FBXO10: variants seen among roughly 807,000 people sequenced by gnomAD.
The protein encoded by FBXO10 is F-box protein 10.
Under a neutral mutation model 80.7 loss-of-function variants are expected in FBXO10, and 39 were observed. The observed-to-expected ratio is 0.48, with a 90% CI of 0.37 to 0.63. FBXO10 has a LOEUF of 0.63. Among genes scored for constraint, FBXO10 ranks in the 30% least tolerant of loss-of-function variants. The pLI is 0.00. For synonymous variants in FBXO10, 449 were observed against 489.6 expected (o/e 0.92, Z 1.09); for missense variants, 1,025 against 1,269.0 (o/e 0.81, Z 2.92).
In FBXO10 at chr9:37,516,063, G is replaced by A. The variant is rs1023725588; in HGVS notation, c.2537C>T (p.Ser846Leu). 3.7e-6 allele frequency: 6 copies of A among 1,612,614 alleles called. No homozygotes were observed. Among genetic ancestry groups the A allele is most frequent in the East Asian group, 2.2e-5 (1 of 44,872 alleles). ...DTKVIKNRIH[S>L]FRAYGIAVRG... The stretch of plus-strand genomic sequence containing the variant: ...CACGGCGATGCCGTAGGCCCGGAAC[G>A]AGTGGATCCGGTTCTTTATTACCTG... Residue 846 changes from serine to leucine, a missense_variant, in exon 10 of 11, where the codon TCG becomes TTG. By Grantham distance (145) the Ser-to-Leu change is moderately radical (BLOSUM62 -2). Transcript: ENST00000432825.
At chr9:37,542,012 A>G (rs919340634) in intron 1 of FBXO10, among the ~76,000 whole-genome samples, 10 of 152,062 alleles carry the variant, frequency 6.6e-5, no homozygotes, top group Admixed American at 5.9e-4. Context: ...TATTTTTAGT[A>G]GAGACCAGGT....
At chr9:37,523,917 G>A (rs906306859) in intron 6 of FBXO10, among the ~76,000 whole-genome samples, 1 of 152,082 alleles carries the variant, frequency 6.6e-6, no homozygotes, top group Non-Finnish European at 1.5e-5. Context: ...GTGAAATTCC[G>A]TCTCAAAAAA....
intron 1 of FBXO10, among the ~76,000 whole-genome samples, chr9:37,553,890 CG>C (rs1822271246): frequency 8.2e-6 from 1 of 121,382 alleles, no homozygotes. Flanking sequence ...CACTCCAGCC[CG>C]GGCAAAAAGA....
In FBXO10 at chr9:37,529,243, A is replaced by G. The variant is rs1232225411; in HGVS notation, c.1587T>C (p.His529=). Residue 529 remains histidine, a synonymous_variant, in exon 5 of 11, where the codon CAT becomes CAC. Coordinates refer to ENST00000432825, the MANE Select transcript of FBXO10 (RefSeq NM_012166.3). ...NPLILCNQIH[H]GLRSGIVVLG... is the part of the protein sequence containing the mutation. ...GGACGACAATGCCAGAGCGAAGGCC[A>G]TGGTGGATCTGGTTACACTGCAAGT... The G allele has an allele frequency of 8.7e-6, 14 of 1,610,134 alleles. No homozygotes were observed. The highest frequency in any genetic ancestry group is 1.1e-5 in the South Asian group (1 of 90,162).
chr9:37,512,548 C>T lies in FBXO10; in HGVS notation c.2870G>A (p.Ter957=). The change falls in exon 11 of 11, where the codon TGA becomes TAA. Residue 957 remains the stop codon, a stop_retained_variant. Transcript: ENST00000432825. The part of the protein sequence containing the change: ...SNRSVFCTIL[*] ...TGGCCCTGAAGCAGGTCTGTGTCCT[C>T]ACAGGATGGTGCAGAAGACACTGCG... 1.9e-6 allele frequency: 3 copies of T among 1,613,096 alleles called. No individual in the cohort carries two copies. The highest frequency in any genetic ancestry group is 2.5e-6 in the Non-Finnish European group (3 of 1,179,294).
chr9:37,571,714 CATATATATATAT>C lies in FBXO10; in HGVS notation c.-7+4485_-7+4496del, dbSNP rs71494672. The stretch of plus-strand genomic sequence containing the variant: ...CCATTTAAGAGGGTGAAAAGAGAGC[CATATATATATAT>C]ATATATATATATATATATATATTTC... On this transcript the variant is annotated intron_variant, in intron 1 of 10. Coordinates refer to ENST00000432825, the MANE Select transcript of FBXO10 (RefSeq NM_012166.3). Among the ~76,000 whole-genome samples, 22 of 93,148 alleles carry C rather than the reference CATATATATATAT, an allele frequency of 2.4e-4. 1 individual carries two copies. Among genetic ancestry groups the C allele is most frequent in the African/African-American group, 7.0e-4 (13 of 18,552 alleles). The allele number at this position is 93,148 out of a possible 152,430, so 61.1% of individuals were successfully genotyped here.
At chr9:37,523,719 C>T (rs1210534546) in intron 6 of FBXO10, among the ~76,000 whole-genome samples, 2 of 152,114 alleles carry the variant, frequency 1.3e-5, no homozygotes, top group East Asian at 3.9e-4. Context: ...GTCGGGAGTT[C>T]GAGACCAGCC....
intron 9 of FBXO10, 73 bp from the exon 10 acceptor site, chr9:37,516,158 T>C: frequency 6.7e-7 from 1 of 1,497,464 alleles, no homozygotes; most frequent in African/African-American, 1.4e-5. Context: ...GCAAGTGAAT[T>C]ATCAGTTCTA....
chr9:37,535,334 C>T (rs1198019897), intron 3 of FBXO10, among the ~76,000 whole-genome samples: 4 of 151,136 alleles, frequency 2.6e-5, no homozygotes, highest in African/African-American at 4.9e-5. Context: ...AAATCACAGT[C>T]GGTGACACTT....
chr9:37,550,551 G>A (rs1158224866), intron 1 of FBXO10, among the ~76,000 whole-genome samples: 1 of 151,322 alleles, frequency 6.6e-6, no homozygotes, highest in Non-Finnish European at 1.5e-5. Flanking sequence ...CGCAATCTTG[G>A]CTCACTGTAA....
intron 3 of FBXO10, among the ~76,000 whole-genome samples, chr9:37,533,501 G>T (rs1053192701): frequency 6.6e-6 from 1 of 150,838 alleles, no homozygotes. Flanking sequence ...AGCCGAGATT[G>T]TGCCACTGTA....
chr9:37,571,714 CATATATATAT>C (rs71494672), intron 1 of FBXO10, among the ~76,000 whole-genome samples: 51 of 93,146 alleles, frequency 5.5e-4, no homozygotes, highest in African/African-American at 1.1e-3. Context: ...AAAAGAGAGC[CATATATATAT>C]ATATATATAT....
At chr9:37,570,877 C>G (rs1019440886) in intron 1 of FBXO10, among the ~76,000 whole-genome samples, 19 of 152,000 alleles carry the variant, frequency 1.3e-4, no homozygotes, top group African/African-American at 4.1e-4. Flanking sequence ...GCCTGTAGTC[C>G]CAGCTACTCA....
chr9:37,571,321 T>C (rs982995139), intron 1 of FBXO10, among the ~76,000 whole-genome samples: 13 of 152,172 alleles, frequency 8.5e-5, no homozygotes, highest in African/African-American at 3.1e-4. Context: ...CTTCCTCTTA[T>C]AAGTTTTCCC....
intron 3 of FBXO10, among the ~76,000 whole-genome samples, chr9:37,534,007 G>A (rs1821692924): frequency 1.3e-5 from 2 of 152,194 alleles, no homozygotes; most frequent in African/African-American, 2.4e-5. Context: ...ATGTGTGCAG[G>A]TTAGGTGCAA....
Position 37,537,347 on chromosome 9 carries a change from T to C in FBXO10, c.1182A>G (p.Leu394=), listed in dbSNP as rs1821794239. ...VLGGSFLGPP[L]PGASIQLPSC... ...TGGGCAGCTGAATGGATGCTCCTGG[T>C]AGAGGTGGGCCCAGAAATGAGCCCC... The change falls in exon 3 of 11, where the codon CTA becomes CTG. Residue 394 remains leucine, a synonymous_variant. Coordinates refer to ENST00000432825, the MANE Select transcript of FBXO10 (RefSeq NM_012166.3). 6.2e-7 allele frequency: 1 copy of C among 1,603,410 alleles called. No individual in the cohort carries two copies. The highest frequency in any genetic ancestry group is 8.5e-7 in the Non-Finnish European group (1 of 1,174,490).
intron 1 of FBXO10, among the ~76,000 whole-genome samples, chr9:37,550,484 C>CTTT (rs1244919357): frequency 1.8e-4 from 22 of 120,546 alleles, no homozygotes; most frequent in African/African-American, 6.8e-4. Context: ...TGCACCTGGC[C>CTTT]TTTTTTTTTT....
intron 1 of FBXO10, among the ~76,000 whole-genome samples, chr9:37,575,959 G>A (rs1166136909): frequency 1.3e-5 from 2 of 152,242 alleles, no homozygotes; most frequent in Admixed American, 6.5e-5. Flanking sequence ...AGTTTTACGG[G>A]AGGGTAAACC....
chr9:37,541,387 C>A lies in FBXO10; in HGVS notation c.382G>T (p.Ala128Ser). The A allele has an allele frequency of 6.2e-7, 1 of 1,613,966 alleles. No individual in the cohort carries two copies. The highest frequency in any genetic ancestry group is 1.1e-5 in the South Asian group (1 of 91,080). The change falls in exon 2 of 11, where the codon GCC becomes TCC. Residue 128 changes from alanine to serine, a missense_variant. Coordinates refer to ENST00000432825, the MANE Select transcript of FBXO10 (RefSeq NM_012166.3). ...AGCACAATTCGGTCATACAGGCTGG[C>A]CATGGCCAAGGCACTGCCCAGGCTG... ...FDSLGSALAM[A>S]SLYDRIVLFP...
Sources: gnomAD v4.1 joint callset for allele counts (sites outside exome capture counted in the v4.1 genomes callset) on GRCh38, gnomAD v4.1.1 for gene constraint, MANE v1.5 for transcripts, NCBI Gene and HGNC (gene_info 2026-07-23, HGNC 2026-07-21) for gene names.